SLC25A48: variants seen among roughly 807,000 people sequenced by gnomAD.
SLC25A48 encodes the protein solute carrier family 25 member 48, also known as CTC-321K16.1.
SLC25A48 carries 29 observed loss-of-function variants against 32.2 expected under a neutral mutation model. The ratio of observed to expected loss-of-function variants is 0.90; its 90% CI spans 0.67 to 1.23. The LOEUF is 1.23. Among genes scored for constraint, SLC25A48 ranks in the 50% most tolerant of loss-of-function variants. SLC25A48 has a pLI of 0.00. For synonymous variants in SLC25A48, 164 were observed against 172.3 expected, an observed-to-expected ratio of 0.95 and a Z score of 0.38; for missense variants, 399 against 422.7, an observed-to-expected ratio of 0.94 and a Z score of 0.49.
At position 135,888,199 on chromosome 5, in the gene SLC25A48, C is replaced by T; in HGVS notation, c.*175C>T. ...GGCCCTTCTGATGCCTGGGATGCCT[C>T]ATGAGTCACTGATTCAAGCCCTCCA... On this transcript the variant is annotated 3_prime_UTR_variant, in exon 8 of 8. Transcript: ENST00000681962. 1 of 952,194 alleles carries T rather than the reference C, an allele frequency of 1.1e-6. No individual in the cohort carries two copies. The highest frequency in any genetic ancestry group is 1.6e-6 in the Non-Finnish European group (1 of 630,466). 59.0% of individuals were successfully genotyped at this position (952,194 alleles called of 1,614,324 possible).
chr5:135,875,706 A>T (rs971995819), intron 6 of SLC25A48: 10 of 152,282 alleles, frequency 6.6e-5, no homozygotes, highest in Admixed American at 6.5e-4. Flanking sequence ...GAAAAAGCCC[A>T]TTCTCTGATC....
At chr5:135,651,453 C>A (rs12513700) in intron 3 of SLC25A48, among the ~76,000 whole-genome samples, 5,232 of 152,212 alleles carry the variant, frequency 0.034, 124 homozygotes, top group African/African-American at 0.057. Context: ...TAGGCAGATT[C>A]CCAGCAAGTC....
At chr5:135,879,832 C>T in intron 6 of SLC25A48, 136 bp from the exon 7 acceptor site, 1 of 1,265,802 alleles carries the variant, frequency 7.9e-7, no homozygotes, top group Non-Finnish European at 1.1e-6. Context: ...GTGGTCTCTG[C>T]CTGCACAGGT....
At chr5:135,699,538 C>T (rs1196739903) in intron 3 of SLC25A48, among the ~76,000 whole-genome samples, 4 of 152,040 alleles carry the variant, frequency 2.6e-5, no homozygotes, top group Non-Finnish European at 4.4e-5. Flanking sequence ...GGAGGCAGAG[C>T]GTGATTGAAA....
intron 4 of SLC25A48, among the ~76,000 whole-genome samples, chr5:135,861,498 G>A (rs1451677866): frequency 6.6e-6 from 1 of 152,170 alleles, no homozygotes; most frequent in Non-Finnish European, 1.5e-5. Flanking sequence ...AACTATAGTA[G>A]CTACTTTATA....
chr5:135,836,962 C>G (rs1346256475), intron 1 of SLC25A48, among the ~76,000 whole-genome samples: 2 of 19,800 alleles, frequency 1.0e-4, no homozygotes, highest in Non-Finnish European at 4.1e-4. Flanking sequence ...GATATTATCC[C>G]CCCCCCCACC....
chr5:135,626,172 C>T (rs1752436884), intron 1 of SLC25A48, among the ~76,000 whole-genome samples: 1 of 152,252 alleles, frequency 6.6e-6, no homozygotes, highest in Non-Finnish European at 1.5e-5. Context: ...CCTGCCTTCA[C>T]TCCCCTTTTC....
At chr5:135,593,345 G>T (rs1751570794) in intron 1 of SLC25A48, among the ~76,000 whole-genome samples, 1 of 152,188 alleles carries the variant, frequency 6.6e-6, no homozygotes, top group South Asian at 2.1e-4. Context: ...CTCACCTACA[G>T]CTGGTTTTCT....
intron 4 of SLC25A48, among the ~76,000 whole-genome samples, chr5:135,813,645 C>T (rs4412111): frequency 0.35 from 53,678 of 152,142 alleles, 9,612 homozygotes; most frequent in East Asian, 0.44. Flanking sequence ...CCTTCGGACA[C>T]GACAAACTTC....
intron 3 of SLC25A48, among the ~76,000 whole-genome samples, chr5:135,698,137 A>G (rs1754310243): frequency 6.6e-6 from 1 of 152,120 alleles, no homozygotes; most frequent in Non-Finnish European, 1.5e-5. Flanking sequence ...GGCCTCTAAC[A>G]ACCAGCTGGG....
chr5:135,761,081 G>T (rs979173635), intron 3 of SLC25A48, among the ~76,000 whole-genome samples: 3 of 152,182 alleles, frequency 2.0e-5, no homozygotes, highest in African/African-American at 7.2e-5. Flanking sequence ...GTGGAGGATA[G>T]CTTGAGCCCA....
chr5:135,588,178 T>A (rs752493690), intron 1 of SLC25A48, among the ~76,000 whole-genome samples: 5 of 152,254 alleles, frequency 3.3e-5, no homozygotes, highest in Non-Finnish European at 7.3e-5. Context: ...ACAGAAGTAT[T>A]GTACAAGTTT....
chr5:135,723,242 G>T (rs1244313871), intron 3 of SLC25A48, among the ~76,000 whole-genome samples: 1 of 152,120 alleles, frequency 6.6e-6, no homozygotes, highest in Non-Finnish European at 1.5e-5. Flanking sequence ...GCCCAACAAT[G>T]GGTTTTCATT....
intron 3 of SLC25A48, among the ~76,000 whole-genome samples, chr5:135,770,887 T>G (rs1756390400): frequency 6.6e-6 from 1 of 151,906 alleles, no homozygotes; most frequent in South Asian, 2.1e-4. Flanking sequence ...ACACCCCCTC[T>G]CTGATATTGT....
intron 3 of SLC25A48, among the ~76,000 whole-genome samples, chr5:135,730,681 A>G (rs1256815595): frequency 6.6e-6 from 1 of 152,220 alleles, no homozygotes; most frequent in African/African-American, 2.4e-5. Flanking sequence ...AGAGCTCAGA[A>G]GAAGACAGGA....
At chr5:135,765,971 G>A (rs964672115) in intron 3 of SLC25A48, among the ~76,000 whole-genome samples, 2 of 150,860 alleles carry the variant, frequency 1.3e-5, no homozygotes, top group Admixed American at 6.7e-5. Flanking sequence ...ACATCCCCCC[G>A]TGATATGGTT....
chr5:135,752,631 T>C (rs1482092857), intron 3 of SLC25A48, among the ~76,000 whole-genome samples: 1 of 152,202 alleles, frequency 6.6e-6, no homozygotes, highest in Non-Finnish European at 1.5e-5. Flanking sequence ...GTACACACAG[T>C]GTGATATTAG....
intron 1 of SLC25A48, among the ~76,000 whole-genome samples, chr5:135,842,108 A>T (rs536273202): frequency 1.3e-5 from 2 of 152,068 alleles, no homozygotes; most frequent in East Asian, 1.9e-4. Context: ...TCTTTGATCT[A>T]TTTTGATTTA....
chr5:135,737,315 T>C (rs1402788357), intron 3 of SLC25A48, among the ~76,000 whole-genome samples: 7 of 152,026 alleles, frequency 4.6e-5, no homozygotes, highest in Admixed American at 4.6e-4. Flanking sequence ...GGGGGAGACT[T>C]TGAGCCAGGA....
Sources: allele counts gnomAD v4.1 joint callset (sites outside exome capture counted in the v4.1 genomes callset), GRCh38; gene constraint gnomAD v4.1.1; transcripts MANE v1.5; gene names NCBI Gene and HGNC (gene_info 2026-07-23, HGNC 2026-07-21).